The following TMOD3 variants were observed in gnomAD, a reference collection of about 807,000 sequenced individuals.
TMOD3 encodes tropomodulin-3.
In TMOD3, 20 loss-of-function variants were observed where a neutral mutation model predicts 39.2. That is an observed-to-expected ratio of 0.51 (90% CI 0.36 to 0.74). The LOEUF (loss-of-function observed/expected upper bound fraction) is 0.74. Among genes scored for constraint, TMOD3 ranks in the 30% least tolerant of loss-of-function variants. The pLI is 0.00. For synonymous variants in TMOD3, 143 were observed against 145.8 expected, an observed-to-expected ratio of 0.98 and a Z score of 0.14; for missense variants, 381 against 412.8, an observed-to-expected ratio of 0.92 and a Z score of 0.67.
At chr15:51,863,040 A>G (rs755581377) in intron 2 of TMOD3, 30 bp downstream of exon 2, 2 of 1,594,106 alleles carry the variant, frequency 1.3e-6, no homozygotes, top group African/African-American at 1.4e-5. Flanking sequence ...GAGAAATGAA[A>G]TAACTTTTCG....
At chr15:51,846,481 T>C (rs757204756) in intron 1 of TMOD3, among the ~76,000 whole-genome samples, 59 of 152,328 alleles carry the variant, frequency 3.9e-4, no homozygotes, top group Non-Finnish European at 7.1e-4. Context: ...TTATTTTAGG[T>C]TTTATGTGTT....
chr15:51,900,879 TTTC>T (rs1375973316), intron 8 of TMOD3: 3 of 152,240 alleles, frequency 2.0e-5, no homozygotes, highest in African/African-American at 7.2e-5. Context: ...TAAAATTCAT[TTTC>T]TTAAAGTATA....
Position 51,913,805 on chromosome 15 carries a change from G to A in TMOD3, c.*4995G>A, listed in dbSNP as rs1466048124. ...AGGCCGACGGATCACTTGAGCTCAGGAGTTTGAGACCAACCTGCGTAACAT... is the reference window on the plus strand; with the variant it reads ...AGGCCGACGGATCACTTGAGCTCAGAAGTTTGAGACCAACCTGCGTAACAT... On this transcript the variant is annotated 3_prime_UTR_variant, in exon 10 of 10. Coordinates refer to ENST00000308580, the MANE Select transcript of TMOD3 (RefSeq NM_014547.5). 1 of 152,094 alleles carries A rather than the reference G, an allele frequency of 6.6e-6. No homozygotes were observed. Among genetic ancestry groups the A allele is most frequent in the Non-Finnish European group, 1.5e-5 (1 of 68,044 alleles). 9.4% of individuals were successfully genotyped at this position (152,094 alleles called of 1,614,324 possible).
chr15:51,886,260 G>C (rs28416733), intron 3 of TMOD3, among the ~76,000 whole-genome samples: 1 of 152,174 alleles, frequency 6.6e-6, no homozygotes, highest in African/African-American at 2.4e-5. Context: ...CTTCCCAGAC[G>C]GGGTGGCGGC....
At chr15:51,838,334 A>G (rs1340061030) in intron 1 of TMOD3, among the ~76,000 whole-genome samples, 1 of 152,230 alleles carries the variant, frequency 6.6e-6, no homozygotes, top group East Asian at 1.9e-4. Flanking sequence ...GAAAAAAACA[A>G]AAAGCACTTT....
In TMOD3 at chr15:51,913,236, T is replaced by C. The variant is rs2056719905; in HGVS notation, c.*4426T>C. On this transcript the variant is annotated 3_prime_UTR_variant, in exon 10 of 10. Transcript: ENST00000308580. The stretch of plus-strand genomic sequence containing the variant: ...ATCCACTCGCCTCGGCCTCCCAAAG[T>C]GCTGGGATTACAGGCTTGAGCCACC... The C allele has an allele frequency of 6.6e-6, 1 of 152,244 alleles. No individual in the cohort carries two copies. The highest frequency in any genetic ancestry group is 2.1e-4 in the South Asian group (1 of 4,832). The allele number at this position is 152,244 out of a possible 1,614,324, so 9.4% of individuals were successfully genotyped here.
intron 9 of TMOD3, among the ~76,000 whole-genome samples, chr15:51,906,969 G>A (rs1595915298): frequency 1.4e-5 from 2 of 147,822 alleles, no homozygotes; most frequent in East Asian, 2.0e-4. Flanking sequence ...GCGGTGAGCC[G>A]AGATCGCGCC....
At chr15:51,886,221 G>A (rs1053460194) in intron 3 of TMOD3, among the ~76,000 whole-genome samples, 2 of 151,636 alleles carry the variant, frequency 1.3e-5, no homozygotes, top group African/African-American at 4.8e-5. Context: ...CATCCCAGAC[G>A]ATGGGCAGCC....
intron 1 of TMOD3, among the ~76,000 whole-genome samples, chr15:51,831,328 A>G (rs992341799): frequency 6.6e-6 from 1 of 152,226 alleles, no homozygotes; most frequent in Non-Finnish European, 1.5e-5. Context: ...TCCCATTCAA[A>G]GATTTTTCGT....
chr15:51,839,164 TC>T lies in TMOD3; in HGVS notation c.-75+9329del, dbSNP rs200499023. Among the ~76,000 whole-genome samples the T allele has an allele frequency of 4.2e-4, 45 of 107,380 alleles. 3 individuals are homozygous for T. Among genetic ancestry groups the T allele is most frequent in the African/African-American group, 1.6e-3 (38 of 23,902 alleles). 70.4% of individuals were successfully genotyped at this position (107,380 alleles called of 152,430 possible). The stretch of plus-strand genomic sequence containing the variant: ...GACAGCTAAGAAATAGGTGTATCTC[TC>T]TTTTTTTTTTTTTCCATTTTGTTTG... On this transcript the variant is annotated intron_variant, in intron 1 of 9. Transcript: ENST00000308580.
intron 3 of TMOD3, among the ~76,000 whole-genome samples, chr15:51,883,420 A>G (rs1207424977): frequency 6.6e-6 from 1 of 152,212 alleles, no homozygotes; most frequent in Non-Finnish European, 1.5e-5. Flanking sequence ...GGTCCCTCAA[A>G]TAAGACATGG....
rs2056676237 is a variant in TMOD3 at position 51,905,902 on chromosome 15, CCACT to C, written c.1025-2873_1025-2870del. Among the ~76,000 whole-genome samples, 3 of 128,218 alleles carry C rather than the reference CCACT, an allele frequency of 2.3e-5. No homozygotes were observed. The East Asian group carries it at 7.8e-4, about 33-fold the overall frequency. 84.1% of individuals were successfully genotyped at this position (128,218 alleles called of 152,430 possible). A position where few individuals can be genotyped will look rare whatever the true frequency, so the allele number is the denominator to read the frequency against. The stretch of plus-strand genomic sequence containing the variant: ...GAGCTTGCAGTGAGCCGAGATTGCG[CCACT>C]GCAGTCCGCAGTCCGGCCTGGGCAA... On this transcript the variant is annotated intron_variant, in intron 9 of 9. Coordinates refer to ENST00000308580, the MANE Select transcript of TMOD3 (RefSeq NM_014547.5).
At chr15:51,874,230 A>G (rs1455967250) in intron 3 of TMOD3, among the ~76,000 whole-genome samples, 1 of 152,206 alleles carries the variant, frequency 6.6e-6, no homozygotes. Flanking sequence ...GACTGAGGAC[A>G]CTTAAGAGTT....
At chr15:51,840,057 A>G (rs955058684) in intron 1 of TMOD3, among the ~76,000 whole-genome samples, 1 of 152,180 alleles carries the variant, frequency 6.6e-6, no homozygotes, top group African/African-American at 2.4e-5. Context: ...CTGATAATGT[A>G]AAAATAGGTC....
intron 6 of TMOD3, among the ~76,000 whole-genome samples, chr15:51,895,243 G>T (rs1433332899): frequency 1.4e-5 from 2 of 147,644 alleles, no homozygotes; most frequent in African/African-American, 5.0e-5. Flanking sequence ...TTGAGACAGA[G>T]TCTTGCTCTG....
At chr15:51,859,482 C>T (rs1011864857) in intron 1 of TMOD3, 4 of 658,612 alleles carry the variant, frequency 6.1e-6, no homozygotes, top group Admixed American at 1.8e-5. Flanking sequence ...GTTCTGTAAA[C>T]TTTTATACAC....
chr15:51,848,132 A>G (rs954811342), intron 1 of TMOD3, among the ~76,000 whole-genome samples: 1 of 152,194 alleles, frequency 6.6e-6, no homozygotes, highest in Admixed American at 6.5e-5. Flanking sequence ...GCCTCTGGAA[A>G]TTGTGAGAAA....
At chr15:51,853,793 A>T (rs867332528) in intron 1 of TMOD3, among the ~76,000 whole-genome samples, 1 of 129,794 alleles carries the variant, frequency 7.7e-6, no homozygotes, top group African/African-American at 2.9e-5. Context: ...TGTCTCTTAA[A>T]AAAAAAAAAA....
chr15:51,853,401 A>G (rs1383231195), intron 1 of TMOD3, among the ~76,000 whole-genome samples: 6 of 152,034 alleles, frequency 3.9e-5, no homozygotes, highest in East Asian at 1.9e-4. Flanking sequence ...GGGTCTCACT[A>G]TGTTGCCCAG....
Sources: allele counts gnomAD v4.1 joint callset (sites outside exome capture counted in the v4.1 genomes callset), GRCh38; gene constraint gnomAD v4.1.1; transcripts MANE v1.5; gene names NCBI Gene and HGNC (gene_info 2026-07-23, HGNC 2026-07-21).